VGLL2: variants seen among roughly 807,000 people sequenced by gnomAD.
VGLL2 encodes vestigial like family member 2.
A neutral mutation model predicts 27.0 loss-of-function variants in VGLL2; 18 were observed. The ratio of observed to expected loss-of-function variants is 0.67; its 90% CI spans 0.46 to 0.99. The LOEUF is 0.99. VGLL2 is among the 50% of genes least tolerant of loss of function. The pLI is 0.00. For missense variants in VGLL2, 491 were observed against 452.3 expected (o/e 1.09, Z -0.78); for synonymous variants, 220 against 201.1 (o/e 1.09, Z -0.80).
At position 117,273,248 on chromosome 6, in the gene VGLL2, A is replaced by T. The variant is rs1354335170; in HGVS notation, c.*754A>T. 1 of 152,310 alleles carries T rather than the reference A, an allele frequency of 6.6e-6. No individual in the cohort carries two copies. Among genetic ancestry groups the T allele is most frequent in the Non-Finnish European group, 1.5e-5 (1 of 68,040 alleles). 9.4% of individuals were successfully genotyped at this position (152,310 alleles called of 1,614,324 possible). A position where few individuals can be genotyped will look rare whatever the true frequency, so the allele number is the denominator to read the frequency against. ...TATATATATATATGTATGCATATATATCATATTTTTTACAAGGAACATTTT... is the reference window on the plus strand; with the variant it reads ...TATATATATATATGTATGCATATATTTCATATTTTTTACAAGGAACATTTT... On this transcript the variant is annotated 3_prime_UTR_variant, in exon 4 of 4. Transcript: ENST00000326274.
rs1554217559 is a variant in VGLL2, at chr6:117,271,330, A to AATAATAATAATAATAATAATG, written c.913+285_913+286insTGATAATAATAATAATAATAA. ...TAATAATAATAATAATAATGATAAT[A>AATAATAATAATAATAATAATG]ATAATAATAATAATAATAAAATTTA... On this transcript the variant is annotated intron_variant, in intron 3 of 3. Coordinates refer to ENST00000326274, the MANE Select transcript of VGLL2 (RefSeq NM_182645.3). Among the ~76,000 whole-genome samples, 13 of 139,752 alleles carry AATAATAATAATAATAATAATG rather than the reference A, an allele frequency of 9.3e-5. 1 individual carries two copies. The highest frequency in any genetic ancestry group is 2.8e-4 in the African/African-American group (11 of 38,678). The allele number at this position is 139,752 out of a possible 152,430, so 91.7% of individuals were successfully genotyped here.
Position 117,265,652 on chromosome 6 carries a change from T to A in VGLL2, c.-112T>A, listed in dbSNP as rs989802311. ...GAGCCGCGGAGCGCGCTGGCTTTGC[T>A]CCGCCTGATGACTCCAGAGCGCGGG... On this transcript the variant is annotated 5_prime_UTR_variant, in exon 1 of 4. Coordinates refer to ENST00000326274, the MANE Select transcript of VGLL2 (RefSeq NM_182645.3). 5.7e-6 allele frequency: 5 copies of A among 880,506 alleles called. No homozygotes were observed. Among genetic ancestry groups the A allele is most frequent in the Non-Finnish European group, 9.2e-6 (5 of 543,254 alleles). The allele number at this position is 880,506 out of a possible 1,614,324, so 54.5% of individuals were successfully genotyped here.
intron 1 of VGLL2, 45 bp downstream of exon 1, chr6:117,265,889 C>A (rs760398287): frequency 1.9e-6 from 3 of 1,564,734 alleles, no homozygotes; most frequent in East Asian, 2.2e-5. Flanking sequence ...GCGCGCCCCC[C>A]GTTTGCGGCG....
Position 117,272,538 on chromosome 6 carries a change from C to G in VGLL2, c.*44C>G. On this transcript the variant is annotated 3_prime_UTR_variant, in exon 4 of 4. Transcript: ENST00000326274. ...CCCCTTCCCCTTCCCTTCTGACCAGCCTTGGAGGCTCAGCATCTGTGCCTC... is the reference window on the plus strand; with the variant it reads ...CCCCTTCCCCTTCCCTTCTGACCAGGCTTGGAGGCTCAGCATCTGTGCCTC... The G allele has an allele frequency of 6.2e-7, 1 of 1,613,524 alleles. No individual in the cohort carries two copies. Among genetic ancestry groups the G allele is most frequent in the Admixed American group, 1.7e-5 (1 of 59,986 alleles).
At position 117,268,226 on chromosome 6, in the gene VGLL2, T is replaced by C. The variant is rs761210185; in HGVS notation, c.126T>C (p.Asn42=). 1.9e-6 allele frequency: 3 copies of C among 1,614,036 alleles called. No homozygotes were observed. Among genetic ancestry groups the C allele is most frequent in the Admixed American group, 1.7e-5 (1 of 60,000 alleles). The stretch of plus-strand genomic sequence containing the variant: ...AAATGCAGGAAGCGCAGGAGTGCAA[T>C]GCCAGCCCCAGCAGCAGTGGCAGCG... ...YSKMQEAQEC[N]ASPSSSGSGS... The change falls in exon 2 of 4, where the codon AAT becomes AAC. Residue 42 remains asparagine (N), a synonymous_variant. Coordinates refer to ENST00000326274, the MANE Select transcript of VGLL2 (RefSeq NM_182645.3).
At chr6:117,270,171 G>C (rs1046043806) in intron 2 of VGLL2, among the ~76,000 whole-genome samples, 1 of 152,020 alleles carries the variant, frequency 6.6e-6, no homozygotes, top group Non-Finnish European at 1.5e-5. Context: ...GCTGAGTCGC[G>C]GGAAGCTCCT....
chr6:117,269,698 C>T (rs142552690), intron 2 of VGLL2, among the ~76,000 whole-genome samples: 2 of 152,256 alleles, frequency 1.3e-5, no homozygotes, highest in Admixed American at 1.3e-4. Flanking sequence ...TTACTAATGG[C>T]AACAAATTTG....
Position 117,273,164 on chromosome 6 carries a change from T to G in VGLL2, c.*670T>G, listed in dbSNP as rs896675425. The G allele has an allele frequency of 2.0e-5, 3 of 152,712 alleles. No homozygotes were observed. Among genetic ancestry groups the G allele is most frequent in the Non-Finnish European group, 4.4e-5 (3 of 68,162 alleles). The allele number at this position is 152,712 out of a possible 1,614,324, so 9.5% of individuals were successfully genotyped here. A position where few individuals can be genotyped will look rare whatever the true frequency, so the allele number is the denominator to read the frequency against. On this transcript the variant is annotated 3_prime_UTR_variant, in exon 4 of 4. Transcript: ENST00000326274. ...AACTGTTGAAAACTCCAGAAATACATCACCCAAGGTGGCAGTTCTCAGTAT... is the reference window on the plus strand; with the variant it reads ...AACTGTTGAAAACTCCAGAAATACAGCACCCAAGGTGGCAGTTCTCAGTAT...
In VGLL2 at chr6:117,265,672, C is replaced by T. The variant is rs1226852037; in HGVS notation, c.-92C>T. ...TTTGCTCCGCCTGATGACTCCAGAG[C>T]GCGGGTCCAAGCGCCGCCCATGCAG... is the stretch of plus-strand genomic sequence containing the variant. On this transcript the variant is annotated 5_prime_UTR_variant, in exon 1 of 4. Coordinates refer to ENST00000326274, the MANE Select transcript of VGLL2 (RefSeq NM_182645.3). 3.7e-6 allele frequency: 4 copies of T among 1,075,368 alleles called. No individual in the cohort carries two copies. The African/African-American group carries it at 4.6e-5, about 12-fold the overall frequency. 66.6% of individuals were successfully genotyped at this position (1,075,368 alleles called of 1,614,324 possible). A position where few individuals can be genotyped will look rare whatever the true frequency, so the allele number is the denominator to read the frequency against.
Position 117,265,718 on chromosome 6 carries a change from G to C in VGLL2, c.-46G>C. ...TGCAGCACCCCTGAGCTCCGGGGAA[G>C]GAGAGTTAATGAAAAAACACTTAAC... is the stretch of plus-strand genomic sequence containing the variant. On this transcript the variant is annotated 5_prime_UTR_variant, in exon 1 of 4. Coordinates refer to ENST00000326274, the MANE Select transcript of VGLL2 (RefSeq NM_182645.3). 1 of 1,552,222 alleles carries C rather than the reference G, an allele frequency of 6.4e-7. No homozygotes were observed. Among genetic ancestry groups the C allele is most frequent in the South Asian group, 1.1e-5 (1 of 89,348 alleles).
Position 117,273,193 on chromosome 6 carries a change from G to A in VGLL2, c.*699G>A, listed in dbSNP as rs181016431. 1.3e-5 allele frequency: 2 copies of A among 152,656 alleles called. No homozygotes were observed. Among genetic ancestry groups the A allele is most frequent in the Non-Finnish European group, 2.9e-5 (2 of 68,086 alleles). The allele number at this position is 152,656 out of a possible 1,614,324, so 9.5% of individuals were successfully genotyped here. On this transcript the variant is annotated 3_prime_UTR_variant, in exon 4 of 4. Coordinates refer to ENST00000326274, the MANE Select transcript of VGLL2 (RefSeq NM_182645.3). ...CCAAGGTGGCAGTTCTCAGTATTTG[G>A]CAGAACAATTGCAATTGCACTGGGT...
At position 117,268,279 on chromosome 6, in the gene VGLL2, C is replaced by T. The variant is rs759647055; in HGVS notation, c.179C>T (p.Pro60Leu). ...AGCTCCTCATTTTCCAGCCAAACCCCAGCCAGTATAAAAGAGGAAGAAGGC... is the reference window on the plus strand; with the variant it reads ...AGCTCCTCATTTTCCAGCCAAACCCTAGCCAGTATAAAAGAGGAAGAAGGC... ...SGSSSFSSQT[P>L]ASIKEEEGSP... The change falls in exon 2 of 4, where the codon CCA becomes CTA. Residue 60 changes from proline to leucine, a missense_variant. Pro to Leu is a moderately conservative substitution (Grantham distance 98, BLOSUM62 -3). Coordinates refer to ENST00000326274, the MANE Select transcript of VGLL2 (RefSeq NM_182645.3). The T allele has an allele frequency of 3.7e-6, 6 of 1,614,202 alleles. No homozygotes were observed. The highest frequency in any genetic ancestry group is 5.1e-6 in the Non-Finnish European group (6 of 1,180,040).
chr6:117,266,572 C>T (rs1773073190), intron 1 of VGLL2, among the ~76,000 whole-genome samples: 1 of 152,204 alleles, frequency 6.6e-6, no homozygotes, highest in South Asian at 2.1e-4. Context: ...AACCCGGGTT[C>T]TGCAAACTCT....
Position 117,265,638 on chromosome 6 carries a change from C to A in VGLL2, c.-126C>A. ...GCCAGCTGGATTCCGAGCCGCGGAGCGCGCTGGCTTTGCTCCGCCTGATGA... is the reference window on the plus strand; with the variant it reads ...GCCAGCTGGATTCCGAGCCGCGGAGAGCGCTGGCTTTGCTCCGCCTGATGA... On this transcript the variant is annotated 5_prime_UTR_variant, in exon 1 of 4. Transcript: ENST00000326274. The A allele has an allele frequency of 2.6e-6, 2 of 763,890 alleles. No homozygotes were observed. The highest frequency in any genetic ancestry group is 4.4e-6 in the Non-Finnish European group (2 of 450,228). 47.3% of individuals were successfully genotyped at this position (763,890 alleles called of 1,614,324 possible). A position where few individuals can be genotyped will look rare whatever the true frequency, so the allele number is the denominator to read the frequency against.
In VGLL2 at chr6:117,268,199, C is replaced by A. The variant is rs61746898; in HGVS notation, c.99C>A (p.Ser33=). The A allele has an allele frequency of 5.4e-3, 8,681 of 1,613,724 alleles. 412 individuals are homozygous for A. In the African/African-American group the frequency reaches 0.1, roughly 19 times the overall value. ...CTGAACAGAAACTAGCCTATTATTCCAAAATGCAGGAAGCGCAGGAGTGCA... is the reference window on the plus strand; with the variant it reads ...CTGAACAGAAACTAGCCTATTATTCAAAAATGCAGGAAGCGCAGGAGTGCA... ...TPYHQKLAYY[S]KMQEAQECNA... Residue 33 remains serine, a synonymous_variant, in exon 2 of 4, where the codon TCC becomes TCA. Transcript: ENST00000326274.
rs949215616 is a variant in VGLL2 at position 117,265,617 on chromosome 6, G to A, written c.-147G>A. ...GCAGGAGTGGGAGGGTAGCGAGCCA[G>A]CTGGATTCCGAGCCGCGGAGCGCGC... On this transcript the variant is annotated 5_prime_UTR_variant, in exon 1 of 4. Coordinates refer to ENST00000326274, the MANE Select transcript of VGLL2 (RefSeq NM_182645.3). The A allele has an allele frequency of 5.8e-6, 4 of 687,556 alleles. No homozygotes were observed. In the Admixed American group the frequency reaches 6.7e-5, roughly 12 times the overall value. 42.6% of individuals were successfully genotyped at this position (687,556 alleles called of 1,614,324 possible).
chr6:117,268,503 GC>G lies in VGLL2; in HGVS notation c.391+15del. 1 of 1,585,176 alleles carries G rather than the reference GC, an allele frequency of 6.3e-7. No individual in the cohort carries two copies. The highest frequency in any genetic ancestry group is 8.6e-7 in the Non-Finnish European group (1 of 1,165,396). ...TGGGCCCTGGCGAGGTGAGTATAGG[GC>G]CCTGCTGGGAAGGACCCATAGGGGG... is the stretch of plus-strand genomic sequence containing the variant. On this transcript the variant is annotated intron_variant, in intron 2 of 3. Transcript: ENST00000326274.
chr6:117,268,521 C>A (rs747187361), intron 2 of VGLL2, 30 bp downstream of exon 2: 446 of 1,536,532 alleles, frequency 2.9e-4, no homozygotes, highest in Middle Eastern at 2.6e-3. Flanking sequence ...GGGAAGGACC[C>A]ATAGGGGGTC....
rs1281873564 is a variant in VGLL2, at chr6:117,270,847, G to C, written c.696G>C (p.Ala232=). 7.1e-7 allele frequency: 1 copy of C among 1,415,660 alleles called. No individual in the cohort carries two copies. Among genetic ancestry groups the C allele is most frequent in the Non-Finnish European group, 9.2e-7 (1 of 1,084,846 alleles). 87.7% of individuals were successfully genotyped at this position (1,415,660 alleles called of 1,614,324 possible). ...PRPAAVHEVY[A]PHFDPRYGPL... is the part of the protein sequence containing the mutation. ...CCGCCGCCGTGCACGAAGTCTACGC[G>C]CCGCACTTCGACCCGCGCTATGGGC... The change falls in exon 3 of 4, where the codon GCG becomes GCC. Residue 232 remains alanine (A), a synonymous_variant. Transcript: ENST00000326274.
Sources: allele counts gnomAD v4.1 joint callset (sites outside exome capture counted in the v4.1 genomes callset), GRCh38; gene constraint gnomAD v4.1.1; transcripts MANE v1.5; gene names NCBI Gene and HGNC (gene_info 2026-07-23, HGNC 2026-07-21).